GRM8: variants seen among roughly 807,000 people sequenced by gnomAD.
The protein encoded by GRM8 is glutamate metabotropic receptor 8.
In GRM8, 47 loss-of-function variants were observed where a neutral mutation model predicts 87.2. The ratio of observed to expected loss-of-function variants is 0.54; its 90% CI spans 0.43 to 0.69. The LOEUF is 0.69. Ranked by LOEUF, GRM8 falls within the 30% of genes least tolerant of loss-of-function variation. The pLI, the probability that GRM8 is intolerant of heterozygous loss-of-function variation, is 0.00. For missense variants in GRM8, 1,019 were observed against 1,139.2 expected, an observed-to-expected ratio of 0.89 and a Z score of 1.52; for synonymous variants, 396 against 404.5, an observed-to-expected ratio of 0.98 and a Z score of 0.25.
chr7:126,853,220 C>T (rs1161303624), intron 6 of GRM8, among the ~76,000 whole-genome samples: 2 of 152,192 alleles, frequency 1.3e-5, no homozygotes, highest in Non-Finnish European at 2.9e-5. Flanking sequence ...GGAGACAGTG[C>T]ATGCTGAATT....
chr7:127,165,405 G>A (rs1188806125), intron 2 of GRM8, among the ~76,000 whole-genome samples: 1 of 151,744 alleles, frequency 6.6e-6, no homozygotes, highest in African/African-American at 2.4e-5. Context: ...ATTTGGGAAT[G>A]ATATATTTTC....
At chr7:126,889,147 A>T (rs546132901) in intron 6 of GRM8, among the ~76,000 whole-genome samples, 2 of 152,288 alleles carry the variant, frequency 1.3e-5, no homozygotes, top group East Asian at 3.9e-4. Context: ...TTGGTAACAT[A>T]AAAAGAAACC....
At chr7:126,570,426 T>A (rs894291994) in intron 8 of GRM8, among the ~76,000 whole-genome samples, 5 of 152,186 alleles carry the variant, frequency 3.3e-5, no homozygotes, top group African/African-American at 1.2e-4. Context: ...CCACTCCAGC[T>A]GCAATAGCCT....
At chr7:126,897,660 T>C (rs112849965) in intron 6 of GRM8, among the ~76,000 whole-genome samples, 3 of 152,084 alleles carry the variant, frequency 2.0e-5, no homozygotes, top group Non-Finnish European at 1.5e-5. Context: ...GAGTCCTTTT[T>C]TCTTCTCGAG....
chr7:126,601,925 T>A lies in GRM8; in HGVS notation c.1494+7437A>T, dbSNP rs1326757593. On this transcript the variant is annotated intron_variant, in intron 8 of 10. Transcript: ENST00000339582. ...GTAGTTTCTTTTGCTGTGCAGAAGC[T>A]CTTTAGTTTAATTAGATCCCATTTG... Among the ~76,000 whole-genome samples, 261 of 138,038 alleles carry A rather than the reference T, an allele frequency of 1.9e-3. 2 individuals carry two copies. The highest frequency in any genetic ancestry group is 3.4e-3 in the Non-Finnish European group (209 of 61,372). The allele number at this position is 138,038 out of a possible 152,430, so 90.6% of individuals were successfully genotyped here.
chr7:127,216,466 C>T (rs1364354331), intron 2 of GRM8, among the ~76,000 whole-genome samples: 17 of 142,078 alleles, frequency 1.2e-4, no homozygotes, highest in Admixed American at 3.0e-4. Flanking sequence ...TGCAGTGAGC[C>T]AAGATCGCGC....
chr7:127,094,939 T>C (rs1402686264), intron 3 of GRM8, among the ~76,000 whole-genome samples: 1 of 152,090 alleles, frequency 6.6e-6, no homozygotes, highest in Non-Finnish European at 1.5e-5. Flanking sequence ...TAAAAGAACA[T>C]GAGAAATATA....
intron 6 of GRM8, among the ~76,000 whole-genome samples, chr7:126,835,782 C>T (rs549256291): frequency 6.6e-6 from 1 of 152,310 alleles, no homozygotes; most frequent in South Asian, 2.1e-4. Flanking sequence ...CTCTCAAAAA[C>T]TTTAGAAAAT....
chr7:126,525,207 T>C (rs1432458450), intron 9 of GRM8, among the ~76,000 whole-genome samples: 3 of 152,334 alleles, frequency 2.0e-5, no homozygotes, highest in South Asian at 4.1e-4. Context: ...TAAAGATGCA[T>C]GGATATTGGC....
At chr7:127,178,428 T>TG (rs1368126808) in intron 2 of GRM8, among the ~76,000 whole-genome samples, 1 of 152,170 alleles carries the variant, frequency 6.6e-6, no homozygotes, top group Non-Finnish European at 1.5e-5. Flanking sequence ...AAAACATATT[T>TG]GGGGGAATAA....
At chr7:127,198,319 G>A (rs1408869954) in intron 2 of GRM8, among the ~76,000 whole-genome samples, 4 of 152,068 alleles carry the variant, frequency 2.6e-5, no homozygotes, top group African/African-American at 9.7e-5. Flanking sequence ...ACATAAACTG[G>A]ACAAAAGTCT....
At chr7:126,798,030 G>GCC (rs1822169178) in intron 6 of GRM8, among the ~76,000 whole-genome samples, 1 of 152,112 alleles carries the variant, frequency 6.6e-6, no homozygotes, top group Non-Finnish European at 1.5e-5. Context: ...GCCTCTAAGA[G>GCC]AAGGGCCAAA....
chr7:127,097,516 C>A (rs1824783225), intron 3 of GRM8, among the ~76,000 whole-genome samples: 1 of 152,158 alleles, frequency 6.6e-6, no homozygotes, highest in African/African-American at 2.4e-5. Context: ...AAACCCTCTG[C>A]TATTTCAAAT....
intron 7 of GRM8, among the ~76,000 whole-genome samples, chr7:126,675,272 A>C (rs1279541380): frequency 6.6e-6 from 1 of 152,094 alleles, no homozygotes; most frequent in Admixed American, 6.5e-5. Context: ...ACAAAACAAA[A>C]ACCAAAATCA....
chr7:127,205,760 T>C (rs1233063608), intron 2 of GRM8, among the ~76,000 whole-genome samples: 1 of 152,196 alleles, frequency 6.6e-6, no homozygotes, highest in East Asian at 1.9e-4. Flanking sequence ...GCCCAAACTT[T>C]CACATGGTCT....
rs531498609 is a variant in GRM8 at position 126,690,490 on chromosome 7, C to T, written c.1357+79375G>A. Among the ~76,000 whole-genome samples the T allele has an allele frequency of 7.2e-5, 11 of 152,328 alleles. No individual in the cohort carries two copies. The South Asian group carries it at 2.1e-3, about 29-fold the overall frequency. On this transcript the variant is annotated intron_variant, in intron 7 of 10. Coordinates refer to ENST00000339582, the MANE Select transcript of GRM8 (RefSeq NM_000845.3). ...AGTGGTGCCCAGAAGCTTGAAGACA[C>T]CAGGAACCGCAGAGCCCCAAGAGTG...
intron 6 of GRM8, among the ~76,000 whole-genome samples, chr7:126,875,177 G>T (rs957182334): frequency 7.9e-5 from 12 of 151,628 alleles, no homozygotes; most frequent in Non-Finnish European, 1.0e-4. Context: ...AACATATTTT[G>T]TAAATATACA....
chr7:126,526,740 C>T (rs774600754), intron 9 of GRM8, among the ~76,000 whole-genome samples: 3 of 152,102 alleles, frequency 2.0e-5, no homozygotes, highest in Non-Finnish European at 4.4e-5. Flanking sequence ...TCAGAAAAAA[C>T]AAAAACAAAA....
At chr7:127,159,268 C>T (rs1236794553) in intron 2 of GRM8, among the ~76,000 whole-genome samples, 2 of 152,156 alleles carry the variant, frequency 1.3e-5, no homozygotes, top group Non-Finnish European at 2.9e-5. Context: ...ATTTTAGTCA[C>T]TGTTTGATAA....
Sources: gnomAD v4.1 joint callset for allele counts (sites outside exome capture counted in the v4.1 genomes callset) on GRCh38, gnomAD v4.1.1 for gene constraint, MANE v1.5 for transcripts, NCBI Gene and HGNC (gene_info 2026-07-23, HGNC 2026-07-21) for gene names.